Variants in CYFIP2 observed in about 807,000 individuals in gnomAD.
CYFIP2 encodes cytoplasmic FMR1-interacting protein 2.
Under a neutral mutation model 158.7 loss-of-function variants are expected in CYFIP2, and 29 were observed. The ratio of observed to expected loss-of-function variants is 0.18; its 90% CI spans 0.14 to 0.25. The LOEUF is 0.25. CYFIP2 is among the 10% of genes least tolerant of loss of function. The pLI is 1.00. For synonymous variants in CYFIP2, 585 were observed against 617.6 expected, an observed-to-expected ratio of 0.95 and a Z score of 0.78; for missense variants, 852 against 1,639.5, an observed-to-expected ratio of 0.52 and a Z score of 8.29.
At position 157,311,019 on chromosome 5, in the gene CYFIP2, A is replaced by G. The variant is rs1759668472; in HGVS notation, c.993-645A>G. The G allele has an allele frequency of 2.2e-6, 1 of 453,880 alleles. No homozygotes were observed. Among genetic ancestry groups the G allele is most frequent in the Admixed American group, 2.4e-5 (1 of 42,004 alleles). The allele number at this position is 453,880 out of a possible 1,614,324, so 28.1% of individuals were successfully genotyped here. On this transcript the variant is annotated intron_variant, in intron 10 of 30. Coordinates refer to ENST00000620254, the MANE Select transcript of CYFIP2 (RefSeq NM_001037333.3). The surrounding 1 kb of genome is among the most constrained non-coding windows in gnomAD (Gnocchi z 4.7). ...GACTTAGGATGGTTTTCCTAATGACATCTTTTCACAAGGCGTGGAAAAAAG... is the reference window on the plus strand; with the variant it reads ...GACTTAGGATGGTTTTCCTAATGACGTCTTTTCACAAGGCGTGGAAAAAAG...
chr5:157,309,674 G>C, intron 9 of CYFIP2, 69 bp from the exon 10 acceptor site: 1 of 1,395,310 alleles, frequency 7.2e-7, no homozygotes, highest in Non-Finnish European at 9.9e-7. Context: ...CCCACAGTGG[G>C]GTGGCAGCGA....
At chr5:157,289,859 T>G (rs1337154640) in intron 3 of CYFIP2, among the ~76,000 whole-genome samples, 1 of 152,182 alleles carries the variant, frequency 6.6e-6, no homozygotes, top group Admixed American at 6.5e-5. Context: ...AAAAGAGATA[T>G]GAACAGAACG....
At chr5:157,334,512 A>C (rs1761713598) in intron 21 of CYFIP2, among the ~76,000 whole-genome samples, 1 of 152,236 alleles carries the variant, frequency 6.6e-6, no homozygotes, top group Non-Finnish European at 1.5e-5. Flanking sequence ...TATTAATTAC[A>C]AAGGGAAGAA....
chr5:157,273,018 T>C (rs1453546880), intron 1 of CYFIP2, among the ~76,000 whole-genome samples: 1 of 152,036 alleles, frequency 6.6e-6, no homozygotes. Flanking sequence ...AGGCGTGTGC[T>C]ATGACACCTG....
chr5:157,302,712 T>C lies in CYFIP2; in HGVS notation c.570-82T>C, dbSNP rs1187118667. 3.9e-6 allele frequency: 4 copies of C among 1,015,036 alleles called. No homozygotes were observed. In the African/African-American group the frequency reaches 4.8e-5, roughly 12 times the overall value. The allele number at this position is 1,015,036 out of a possible 1,614,324, so 62.9% of individuals were successfully genotyped here. A position where few individuals can be genotyped will look rare whatever the true frequency, so the allele number is the denominator to read the frequency against. On this transcript the variant is annotated intron_variant, in intron 6 of 30. Coordinates refer to ENST00000620254, the MANE Select transcript of CYFIP2 (RefSeq NM_001037333.3). ...CAGGATGATGTCACTCTGTGTTAGG[T>C]GGGCATGCGAGCCCGTGAGGCATGG...
At chr5:157,385,369 T>G (rs1766573101) in intron 28 of CYFIP2, among the ~76,000 whole-genome samples, 1 of 152,246 alleles carries the variant, frequency 6.6e-6, no homozygotes, top group Non-Finnish European at 1.5e-5. Flanking sequence ...CAAAACTTAG[T>G]CATTCCATGA....
At chr5:157,278,167 A>C (rs562006077) in intron 1 of CYFIP2, among the ~76,000 whole-genome samples, 4 of 151,562 alleles carry the variant, frequency 2.6e-5, no homozygotes, top group Non-Finnish European at 4.4e-5. Context: ...TCTATATAAT[A>C]TTTTCTTTGT....
rs34749971 is a variant in CYFIP2, at chr5:157,384,939, C to CAAAAAAAAAAAAAAAAAAAAAAAA, written c.3207+1581_3207+1604dup. ...TGGGCAACAGAGCAAGACTCCATCT[C>CAAAAAAAAAAAAAAAAAAAAAAAA]AAAAAAAAAAAAAAAAAAAAAAAAG... On this transcript the variant is annotated intron_variant, in intron 28 of 30. Coordinates refer to ENST00000620254, the MANE Select transcript of CYFIP2 (RefSeq NM_001037333.3). 3.1e-5 allele frequency: 2 copies of CAAAAAAAAAAAAAAAAAAAAAAAA among 63,866 alleles called. 1 individual carries two copies. The highest frequency in any genetic ancestry group is 5.7e-5 in the Non-Finnish European group (2 of 35,080). 4.0% of individuals were successfully genotyped at this position (63,866 alleles called of 1,614,324 possible).
chr5:157,384,445 G>T (rs1373870793), intron 28 of CYFIP2: 22 of 456,608 alleles, frequency 4.8e-5, no homozygotes, highest in Admixed American at 2.8e-4. Context: ...GCATTCCGGC[G>T]GTCCTCTTTG....
chr5:157,296,475 TC>T (rs768457037), intron 4 of CYFIP2, 197 bp from the exon 5 acceptor site: 49 of 574,704 alleles, frequency 8.5e-5, no homozygotes, highest in African/African-American at 8.3e-4. Context: ...ATGCCTGAAG[TC>T]CCACCTACTT....
chr5:157,355,604 A>G lies in CYFIP2; in HGVS notation c.2674-3401A>G, dbSNP rs539900575. On this transcript the variant is annotated intron_variant, in intron 23 of 30. Coordinates refer to ENST00000620254, the MANE Select transcript of CYFIP2 (RefSeq NM_001037333.3). ...GTGTGCCCACCCCAAAGCCCATCCT[A>G]TGGACTCAGACAAGCTAGAAAAGAA... is the stretch of plus-strand genomic sequence containing the variant. 2.8e-4 allele frequency among the ~76,000 whole-genome samples: 42 copies of G among 152,342 alleles called. No individual in the cohort carries two copies. The South Asian group carries it at 8.7e-3, about 32-fold the overall frequency.
intron 23 of CYFIP2, chr5:157,343,645 G>GT: frequency 1.1e-6 from 1 of 916,566 alleles, no homozygotes; most frequent in East Asian, 2.7e-5. Context: ...GGGCACTCAT[G>GT]TTGCCCTCAT....
At position 157,280,671 on chromosome 5, in the gene CYFIP2, A is replaced by C. The variant is rs145429365; in HGVS notation, c.-23-4668A>C. ...AAACATATATAAAATTGGATGGAAA[A>C]ATACAGTAATTTCTATGTATGTGTC... On this transcript the variant is annotated intron_variant, in intron 1 of 30. Coordinates refer to ENST00000620254, the MANE Select transcript of CYFIP2 (RefSeq NM_001037333.3). Among the ~76,000 whole-genome samples the C allele has an allele frequency of 8.1e-3, 1,230 of 152,204 alleles. 20 individuals carry two copies. Among genetic ancestry groups the C allele is most frequent in the African/African-American group, 0.028 (1,172 of 41,496 alleles).
intron 3 of CYFIP2, among the ~76,000 whole-genome samples, chr5:157,290,760 GTCTT>G (rs1481733488): frequency 2.0e-5 from 3 of 152,176 alleles, no homozygotes; most frequent in Non-Finnish European, 2.9e-5. Context: ...GCCTTCCCCA[GTCTT>G]TCTAAGGTAG....
At chr5:157,276,272 T>G (rs2113818804) in intron 1 of CYFIP2, among the ~76,000 whole-genome samples, 1 of 152,330 alleles carries the variant, frequency 6.6e-6, no homozygotes, top group East Asian at 1.9e-4. Context: ...AAGAGTTTTT[T>G]GTGGCCACTT....
intron 23 of CYFIP2, among the ~76,000 whole-genome samples, chr5:157,347,767 TACTC>T (rs1053490276): frequency 6.6e-6 from 1 of 152,248 alleles, no homozygotes; most frequent in Non-Finnish European, 1.5e-5. Context: ...GGAATTAAGA[TACTC>T]AGAGAATGTG....
chr5:157,383,583 G>A, intron 28 of CYFIP2: 3 of 446,962 alleles, frequency 6.7e-6, no homozygotes, highest in Non-Finnish European at 1.2e-5. Flanking sequence ...CATGTATCCT[G>A]CCAACAAGTC....
In CYFIP2 at chr5:157,287,021, T is replaced by G; in HGVS notation, c.120T>G (p.Ala40=). 2 of 1,613,222 alleles carry G rather than the reference T, an allele frequency of 1.2e-6. No homozygotes were observed. The highest frequency in any genetic ancestry group is 1.7e-6 in the Non-Finnish European group (2 of 1,179,302). The change falls in exon 3 of 31, where the codon GCT becomes GCG. Residue 40 remains alanine, a splice_region_variant and synonymous_variant. Transcript: ENST00000620254. ...GTTCCTGTCCTCTAATTCCACAGGC[T>G]AACTTTGACACAAACTTTGAGGACA... ...EPPPSSIMYQ[A]NFDTNFEDRN...
chr5:157,390,776 A>G (rs764178077), intron 30 of CYFIP2, 108 bp downstream of exon 30: 48 of 1,505,156 alleles, frequency 3.2e-5, no homozygotes, highest in Non-Finnish European at 4.2e-5. Context: ...AGCTCCCCAC[A>G]CGGCAAGTAC....
Sources: gnomAD v4.1 joint callset for allele counts (sites outside exome capture counted in the v4.1 genomes callset) on GRCh38, gnomAD v4.1.1 for gene constraint, Gnocchi (gnomAD v3.1) non-coding constraint, MANE v1.5 for transcripts, NCBI Gene and HGNC (gene_info 2026-07-23, HGNC 2026-07-21) for gene names.